The following PALLD variants were observed in gnomAD, a reference collection of about 807,000 sequenced individuals.
The protein encoded by PALLD is palladin.
PALLD carries 61 observed loss-of-function variants against 123.5 expected under a neutral mutation model. That is an observed-to-expected ratio of 0.49 (90% CI 0.40 to 0.61). PALLD has a LOEUF of 0.61. PALLD is among the 20% of genes least tolerant of loss of function. The pLI is 0.00. For missense variants in PALLD, 1,273 were observed against 1,377.0 expected (o/e 0.92, Z 1.20); for synonymous variants, 465 against 496.4 (o/e 0.94, Z 0.84).
At chr4:168,559,717 C>A (rs1263622498) in intron 2 of PALLD, among the ~76,000 whole-genome samples, 1 of 151,796 alleles carries the variant, frequency 6.6e-6, no homozygotes, top group South Asian at 2.1e-4. Flanking sequence ...GGCAACATGG[C>A]GAAACCCCAT....
intron 10 of PALLD, among the ~76,000 whole-genome samples, chr4:168,773,324 G>A (rs187957310): frequency 5.9e-5 from 9 of 152,272 alleles, no homozygotes; most frequent in Admixed American, 5.2e-4. Flanking sequence ...ACAGATTTCC[G>A]GCAGGAGCTT....
intron 10 of PALLD, among the ~76,000 whole-genome samples, chr4:168,773,213 G>A (rs1734691685): frequency 6.6e-6 from 1 of 152,124 alleles, no homozygotes; most frequent in South Asian, 2.1e-4. Context: ...TTGTCTTAAA[G>A]TGAATAACTG....
At chr4:168,630,212 C>G (rs114024749) in intron 2 of PALLD, among the ~76,000 whole-genome samples, 1 of 152,186 alleles carries the variant, frequency 6.6e-6, no homozygotes, top group Non-Finnish European at 1.5e-5. Context: ...ACAGGGCCAC[C>G]CTGCTTCATT....
chr4:168,904,160 A>T (rs947147625), intron 15 of PALLD: 5 of 466,370 alleles, frequency 1.1e-5, no homozygotes, highest in African/African-American at 9.8e-5. Flanking sequence ...CACACTTTCT[A>T]TGTGGGTGAT....
chr4:168,921,504 A>G, intron 17 of PALLD, 30 bp from the exon 18 acceptor site: 1 of 1,484,496 alleles, frequency 6.7e-7, no homozygotes, highest in South Asian at 1.2e-5. Flanking sequence ...TTTAATACAA[A>G]AATTTACATG....
At chr4:168,902,979 T>G (rs998789537) in intron 14 of PALLD, among the ~76,000 whole-genome samples, 2 of 152,054 alleles carry the variant, frequency 1.3e-5, no homozygotes, top group African/African-American at 4.8e-5. Context: ...CCCAGGCTGG[T>G]CTTGAATTCC....
At chr4:168,589,380 T>G (rs2149682890) in intron 2 of PALLD, among the ~76,000 whole-genome samples, 1 of 152,278 alleles carries the variant, frequency 6.6e-6, no homozygotes, top group African/African-American at 2.4e-5. Flanking sequence ...AGATCAGAAA[T>G]TGGCCCCAAT....
chr4:168,696,441 A>T (rs1783134883), intron 8 of PALLD, among the ~76,000 whole-genome samples: 1 of 152,082 alleles, frequency 6.6e-6, no homozygotes, highest in South Asian at 2.1e-4. Flanking sequence ...CAAAGTGGAT[A>T]AGTTCCTCTC....
intron 10 of PALLD, among the ~76,000 whole-genome samples, chr4:168,729,352 C>CG (rs995714608): frequency 1.3e-5 from 2 of 151,114 alleles, no homozygotes; most frequent in Non-Finnish European, 3.0e-5. Flanking sequence ...TTTTTAGAGA[C>CG]GGGGTCTTGC....
At chr4:168,882,646 A>G (rs185679607) in intron 10 of PALLD, among the ~76,000 whole-genome samples, 1 of 152,036 alleles carries the variant, frequency 6.6e-6, no homozygotes, top group East Asian at 1.9e-4. Flanking sequence ...AAGGGGTTGG[A>G]GGTGTTATTA....
chr4:168,921,222 A>G (rs1287458476), intron 17 of PALLD, among the ~76,000 whole-genome samples: 1 of 152,002 alleles, frequency 6.6e-6, no homozygotes, highest in Non-Finnish European at 1.5e-5. Flanking sequence ...CCCGGCCAAC[A>G]TAGTGAAACC....
chr4:168,716,101 G>T (rs1785346259), intron 10 of PALLD, among the ~76,000 whole-genome samples: 1 of 152,156 alleles, frequency 6.6e-6, no homozygotes, highest in Non-Finnish European at 1.5e-5. Context: ...ACCTCCTACG[G>T]CAGATCCAAC....
intron 1 of PALLD, among the ~76,000 whole-genome samples, chr4:168,508,973 T>C (rs912414587): frequency 6.6e-6 from 1 of 152,130 alleles, no homozygotes; most frequent in Non-Finnish European, 1.5e-5. Flanking sequence ...GGACAAACTA[T>C]AAAACGTTTT....
chr4:168,620,288 C>T (rs1414441959), intron 2 of PALLD, among the ~76,000 whole-genome samples: 2 of 152,142 alleles, frequency 1.3e-5, no homozygotes, highest in Non-Finnish European at 2.9e-5. Context: ...AACCCTGTCT[C>T]TACTAAAAAT....
At chr4:168,556,588 T>C (rs935130533) in intron 2 of PALLD, among the ~76,000 whole-genome samples, 10 of 152,216 alleles carry the variant, frequency 6.6e-5, no homozygotes, top group African/African-American at 2.4e-4. Context: ...GCCTGCCTTT[T>C]AAAAGCTCAA....
chr4:168,535,634 T>A (rs1765020356), intron 2 of PALLD, among the ~76,000 whole-genome samples: 1 of 152,156 alleles, frequency 6.6e-6, no homozygotes, highest in African/African-American at 2.4e-5. Flanking sequence ...TCACAATGGA[T>A]GGAAAGTGAT....
chr4:168,516,275 T>C (rs1762984512), intron 2 of PALLD, among the ~76,000 whole-genome samples: 1 of 152,162 alleles, frequency 6.6e-6, no homozygotes, highest in South Asian at 2.1e-4. Context: ...TTTTCTCTGC[T>C]TATGCTCAAA....
chr4:168,675,843 C>T (rs759675695), intron 3 of PALLD, among the ~76,000 whole-genome samples: 1 of 152,084 alleles, frequency 6.6e-6, no homozygotes, highest in Non-Finnish European at 1.5e-5. Flanking sequence ...ATCACTTAGT[C>T]CAGAAGTTCA....
chr4:168,518,141 C>G (rs910876943), intron 2 of PALLD, among the ~76,000 whole-genome samples: 1 of 152,120 alleles, frequency 6.6e-6, no homozygotes, highest in Non-Finnish European at 1.5e-5. Context: ...ATTCTCGATC[C>G]CTCTTTTTCT....
Sources: gnomAD v4.1 joint callset for allele counts (sites outside exome capture counted in the v4.1 genomes callset) on GRCh38, gnomAD v4.1.1 for gene constraint, MANE v1.5 for transcripts, NCBI Gene and HGNC (gene_info 2026-07-23, HGNC 2026-07-21) for gene names.